CLNK: variants seen among roughly 807,000 people sequenced by gnomAD.
The protein encoded by CLNK is cytokine-dependent hematopoietic cell linker.
In CLNK, 74 loss-of-function variants were observed where a neutral mutation model predicts 68.6. That is an observed-to-expected ratio of 1.08 (90% CI 0.89 to 1.31). CLNK has a LOEUF of 1.31. Among genes scored for constraint, CLNK ranks in the 50% most tolerant of loss-of-function variants. The probability of loss-of-function intolerance (pLI) is 0.00; values close to 1 mark genes in which losing one functional copy is unlikely to be tolerated. For missense variants in CLNK, 553 were observed against 515.3 expected (o/e 1.07, Z -0.71); for synonymous variants, 198 against 172.2 (o/e 1.15, Z -1.17).
chr4:10,633,665 C>G (rs1379823085), intron 2 of CLNK, among the ~76,000 whole-genome samples: 2 of 152,212 alleles, frequency 1.3e-5, no homozygotes, highest in African/African-American at 4.8e-5. Context: ...TTGTACTTCA[C>G]TCATTTATAA....
At chr4:10,607,677 C>A (rs1721840504) in intron 2 of CLNK, among the ~76,000 whole-genome samples, 1 of 152,134 alleles carries the variant, frequency 6.6e-6, no homozygotes, top group African/African-American at 2.4e-5. Flanking sequence ...CATTAGGGAC[C>A]TTGCTCAGAG....
intron 1 of CLNK, among the ~76,000 whole-genome samples, chr4:10,674,038 G>A (rs967228667): frequency 3.3e-5 from 5 of 152,192 alleles, no homozygotes; most frequent in Non-Finnish European, 7.3e-5. Flanking sequence ...ATGACACTGA[G>A]GTGTCATCTG....
At chr4:10,538,965 T>C (rs1003593762) in intron 11 of CLNK, among the ~76,000 whole-genome samples, 2 of 152,196 alleles carry the variant, frequency 1.3e-5, no homozygotes, top group African/African-American at 4.8e-5. Flanking sequence ...TAGGTACTGT[T>C]TCCCCTTTGC....
At chr4:10,508,370 A>T (rs948890425) in intron 16 of CLNK, among the ~76,000 whole-genome samples, 2 of 152,102 alleles carry the variant, frequency 1.3e-5, no homozygotes, top group Non-Finnish European at 2.9e-5. Context: ...TGAGGTGGAA[A>T]TGTATACTGT....
intron 2 of CLNK, among the ~76,000 whole-genome samples, chr4:10,650,799 A>G (rs1213892231): frequency 1.3e-5 from 2 of 152,206 alleles, no homozygotes; most frequent in African/African-American, 4.8e-5. Context: ...CAATCTATGC[A>G]TCTGGCAAAA....
chr4:10,609,118 C>G (rs550568999), intron 2 of CLNK, among the ~76,000 whole-genome samples: 37 of 152,330 alleles, frequency 2.4e-4, no homozygotes, highest in African/African-American at 8.9e-4. Flanking sequence ...GTGCTGCCCT[C>G]GTGAAGCTGA....
chr4:10,631,397 T>C (rs1722884605), intron 2 of CLNK, among the ~76,000 whole-genome samples: 1 of 152,210 alleles, frequency 6.6e-6, no homozygotes. Flanking sequence ...AGAGGAAATA[T>C]TGCCTTTGCC....
chr4:10,592,818 C>T (rs978971877), intron 3 of CLNK, among the ~76,000 whole-genome samples: 2 of 152,036 alleles, frequency 1.3e-5, no homozygotes, highest in African/African-American at 4.8e-5. Context: ...CTCCACCTCC[C>T]GAGTTCAAGA....
chr4:10,621,859 T>C (rs1722472925), intron 2 of CLNK, among the ~76,000 whole-genome samples: 1 of 152,154 alleles, frequency 6.6e-6, no homozygotes, highest in Admixed American at 6.5e-5. Flanking sequence ...GATGAACAAT[T>C]CTAAGGGTAA....
intron 15 of CLNK, among the ~76,000 whole-genome samples, chr4:10,514,237 T>C (rs906073019): frequency 1.4e-5 from 2 of 146,014 alleles, no homozygotes; most frequent in African/African-American, 5.1e-5. Context: ...ATGTGCCACA[T>C]TTTCTTAATC....
intron 2 of CLNK, among the ~76,000 whole-genome samples, chr4:10,607,439 A>G (rs1284871989): frequency 2.0e-5 from 3 of 152,202 alleles, no homozygotes; most frequent in Non-Finnish European, 4.4e-5. Context: ...ATCTTGCAGG[A>G]AGCTTCATTT....
the CLNK span, among the ~76,000 whole-genome samples, chr4:10,729,072 T>C: frequency 6.6e-6 from 1 of 152,222 alleles, no homozygotes; most frequent in Admixed American, 6.5e-5. Flanking sequence ...AATTTCCTGA[T>C]AATATATAAT....
chr4:10,548,535 T>G (rs1719325106), intron 8 of CLNK, among the ~76,000 whole-genome samples: 1 of 152,248 alleles, frequency 6.6e-6, no homozygotes, highest in African/African-American at 2.4e-5. Flanking sequence ...ATTTGTGCTT[T>G]TGCTGCCTGT....
intron 4 of CLNK, among the ~76,000 whole-genome samples, chr4:10,580,234 G>C (rs994743594): frequency 6.6e-6 from 1 of 151,980 alleles, no homozygotes; most frequent in African/African-American, 2.4e-5. Context: ...TGCTTCTGAC[G>C]GTGACATTGG....
At chr4:10,606,499 T>A (rs906473965) in intron 2 of CLNK, among the ~76,000 whole-genome samples, 3 of 152,090 alleles carry the variant, frequency 2.0e-5, no homozygotes, top group Admixed American at 2.0e-4. Flanking sequence ...GTCTAGTAAA[T>A]ATATAAACCA....
At chr4:10,639,634 T>C (rs1253484809) in intron 2 of CLNK, among the ~76,000 whole-genome samples, 3 of 152,364 alleles carry the variant, frequency 2.0e-5, no homozygotes, top group African/African-American at 7.2e-5. Flanking sequence ...TGAGTTCATG[T>C]GGCTACTTAA....
chr4:10,512,597 T>C (rs1170835643), intron 16 of CLNK, among the ~76,000 whole-genome samples: 1 of 151,962 alleles, frequency 6.6e-6, no homozygotes, highest in East Asian at 1.9e-4. Context: ...TAGGTAGAAA[T>C]TAATATGAAT....
At chr4:10,630,053 C>A (rs1272223822) in intron 2 of CLNK, among the ~76,000 whole-genome samples, 5 of 152,122 alleles carry the variant, frequency 3.3e-5, no homozygotes, top group Non-Finnish European at 2.9e-5. Flanking sequence ...AGAAGGAATA[C>A]CTGCAAGACT....
chr4:10,507,951 G>C lies in CLNK; in HGVS notation c.984+8C>G. 6.3e-7 allele frequency: 1 copy of C among 1,596,642 alleles called. No homozygotes were observed. The highest frequency in any genetic ancestry group is 2.2e-5 in the East Asian group (1 of 44,622). ...AACAATAATGATGGGCCACGTAGAAGGCATTACCTTGTTCTCCTTCATGAA... is the reference window on the plus strand; with the variant it reads ...AACAATAATGATGGGCCACGTAGAACGCATTACCTTGTTCTCCTTCATGAA... On this transcript the variant is annotated splice_region_variant and intron_variant, in intron 17 of 18. Coordinates refer to ENST00000226951, the MANE Select transcript of CLNK (RefSeq NM_052964.4).
Sources: gnomAD v4.1 joint callset for allele counts (sites outside exome capture counted in the v4.1 genomes callset) on GRCh38, gnomAD v4.1.1 for gene constraint, MANE v1.5 for transcripts, NCBI Gene and HGNC (gene_info 2026-07-23, HGNC 2026-07-21) for gene names.